ZKSCAN7: variants seen among roughly 807,000 people sequenced by gnomAD.
ZKSCAN7 encodes the protein zinc finger protein with KRAB and SCAN domains 7.
Under a neutral mutation model 65.3 loss-of-function variants are expected in ZKSCAN7, and 38 were observed. That is an observed-to-expected ratio of 0.58 (90% confidence interval 0.45 to 0.76). The LOEUF (loss-of-function observed/expected upper bound fraction) is 0.76, where lower values mean the gene tolerates loss of function less well. Among genes scored for constraint, ZKSCAN7 ranks in the 30% least tolerant of loss-of-function variants. ZKSCAN7 has a pLI of 0.00. For missense variants in ZKSCAN7, 815 were observed against 913.3 expected (o/e 0.89, Z 1.39); for synonymous variants, 321 against 321.0 (o/e 1.00, Z 0.00).
chr3:44,578,905 C>T (rs1311047353), intron 5 of ZKSCAN7, among the ~76,000 whole-genome samples: 1 of 152,266 alleles, frequency 6.6e-6, no homozygotes, highest in Non-Finnish European at 1.5e-5. Context: ...CGCTCTGCTC[C>T]CGGCCCAGGG....
At chr3:44,580,734 A>G in intron 5 of ZKSCAN7, 2 of 1,613,766 alleles carry the variant, frequency 1.2e-6, no homozygotes, top group Non-Finnish European at 8.5e-7. Context: ...GTTCATGTTG[A>G]TGGTGCCCTG....
At chr3:44,572,409 A>AGTGT (rs34720095), downstream of ZKSCAN7, among the ~76,000 whole-genome samples, 2 of 144,672 alleles carry the variant, frequency 1.4e-5, no homozygotes, top group African/African-American at 5.1e-5. Context: ...AAAGAGAGAG[A>AGTGT]GTGTGTGTGT....
downstream of ZKSCAN7, among the ~76,000 whole-genome samples, chr3:44,576,670 T>C (rs1159459811): frequency 1.3e-5 from 2 of 152,360 alleles, no homozygotes; most frequent in Non-Finnish European, 2.9e-5. Context: ...ACATTCCAAG[T>C]AGGTGCTATT....
intron 5 of ZKSCAN7, chr3:44,580,249 C>T (rs1700038362): frequency 4.3e-6 from 7 of 1,613,466 alleles, no homozygotes; most frequent in East Asian, 2.2e-5. Context: ...CTGCTCTCCC[C>T]CCGGACTTTG....
At chr3:44,581,120 G>C in intron 5 of ZKSCAN7, 16 of 992,320 alleles carry the variant, frequency 1.6e-5, no homozygotes, top group Non-Finnish European at 1.9e-5. Flanking sequence ...ATCCCTCGCC[G>C]GCCCTGCCAC....
rs1700048809 is a variant in ZKSCAN7, at chr3:44,580,556, C to T, written c.812-2416C>T. The T allele has an allele frequency of 4.3e-6, 7 of 1,613,880 alleles. No individual in the cohort carries two copies. In the South Asian group the frequency reaches 6.6e-5, roughly 15 times the overall value. On this transcript the variant is annotated intron_variant, in intron 5 of 5. Transcript: ENST00000341840. The stretch of plus-strand genomic sequence containing the variant: ...TGGGGGGCTCCACTTTCCATTTCTT[C>T]TTCTGATTCTGCTTGTTGGTCCGGG...
rs200067122 is a variant in ZKSCAN7, at chr3:44,570,067, C to A, written c.957C>A (p.Phe319Leu). The change falls in exon 6 of 6, where the codon TTC becomes TTA. Residue 319 changes from phenylalanine to leucine, a missense_variant. Phe to Leu is a conservative substitution (Grantham distance 22). Transcript: ENST00000426540. ...CTGGAGATGTTTGTGAAGATACTTT[C>A]AAGGAGTTAGAAGGACAAACCTCAG... ...AETGDVCEDTFKELEGQTSDE... is the reference protein window; with the variant it reads ...AETGDVCEDTLKELEGQTSDE... 15 of 1,613,868 alleles carry A rather than the reference C, an allele frequency of 9.3e-6. No homozygotes were observed. The highest frequency in any genetic ancestry group is 1.6e-4 in the Middle Eastern group (1 of 6,062).
In ZKSCAN7 at chr3:44,570,920, G is replaced by C. The variant is rs527328353; in HGVS notation, c.1810G>C (p.Glu604Gln). ...TGAGCATGAGCGAATTCATACTGGA[G>C]AAAAACCTTTTGAATGTAGCGAGTG... is the stretch of plus-strand genomic sequence containing the variant. Reference protein sequence around the residue: ...LIEHERIHTGEKPFECSECGK... With the variant: ...LIEHERIHTGQKPFECSECGK... The change falls in exon 6 of 6, where the codon GAA becomes CAA. Residue 604 changes from glutamate (E) to glutamine (Q), a missense_variant. By Grantham distance (29) the Glu-to-Gln change is conservative. Around this residue, in one of 3 missense-constraint regions of ZKSCAN7, gnomAD observed 578 missense variants for 629.5 expected, o/e 0.92. Transcript: ENST00000426540. The C allele has an allele frequency of 1.2e-6, 2 of 1,614,138 alleles. No individual in the cohort carries two copies. Among genetic ancestry groups the C allele is most frequent in the Non-Finnish European group, 1.7e-6 (2 of 1,180,000 alleles).
At chr3:44,579,081 T>C (rs1219208574) in intron 5 of ZKSCAN7, among the ~76,000 whole-genome samples, 1 of 152,170 alleles carries the variant, frequency 6.6e-6, no homozygotes, top group African/African-American at 2.4e-5. Flanking sequence ...GGCACCTGCT[T>C]CTCTTCCCGG....
chr3:44,578,077 C>A, intron 5 of ZKSCAN7: 1 of 1,586,354 alleles, frequency 6.3e-7, no homozygotes, highest in Admixed American at 1.7e-5. Flanking sequence ...TTCATTATAT[C>A]ATATCCGGAC....
In ZKSCAN7 at chr3:44,557,469, A is replaced by T; in HGVS notation, c.422A>T (p.Glu141Val). 1 of 1,614,048 alleles carries T rather than the reference A, an allele frequency of 6.2e-7. No individual in the cohort carries two copies. The highest frequency in any genetic ancestry group is 1.3e-5 in the African/African-American group (1 of 75,032). Residue 141 changes from glutamate to valine, a missense_variant and splice_region_variant, in exon 2 of 6, where the codon GAG becomes GTG. Around this residue, in one of 3 missense-constraint regions of ZKSCAN7, gnomAD observed 227 missense variants for 253.3 expected, o/e 0.90. Coordinates refer to ENST00000426540, the MANE Select transcript of ZKSCAN7 (RefSeq NM_001288590.2). Reference protein sequence around the residue: ...DFQRHLSGSEEVSAPAQKQEM... With the variant: ...DFQRHLSGSEVVSAPAQKQEM... The stretch of plus-strand genomic sequence containing the variant: ...CAGAGACACCTCAGTGGATCAGAGG[A>T]GGTGAGCAGTTGAGTCTAGAATGGC...
chr3:44,570,622 C>A lies in ZKSCAN7; in HGVS notation c.1512C>A (p.Phe504Leu), dbSNP rs768983525. ...PYECNECGEA[F>L]IRSKSLARHQ... Reference sequence around the variant, plus strand: ...AATGCAATGAGTGTGGAGAGGCATTCATTCGAAGCAAAAGTCTTGCTCGAC... The same window carrying A: ...AATGCAATGAGTGTGGAGAGGCATTAATTCGAAGCAAAAGTCTTGCTCGAC... The change falls in exon 6 of 6, where the codon TTC becomes TTA. Residue 504 changes from phenylalanine (F) to leucine (L), a missense_variant. By Grantham distance (22) the Phe-to-Leu change is conservative. Around this residue, in one of 3 missense-constraint regions of ZKSCAN7, gnomAD observed 578 missense variants for 629.5 expected, o/e 0.92. Coordinates refer to ENST00000426540, the MANE Select transcript of ZKSCAN7 (RefSeq NM_001288590.2). 1 of 1,613,978 alleles carries A rather than the reference C, an allele frequency of 6.2e-7. No homozygotes were observed. The highest frequency in any genetic ancestry group is 8.5e-7 in the Non-Finnish European group (1 of 1,179,956).
intron 5 of ZKSCAN7, among the ~76,000 whole-genome samples, chr3:44,579,491 T>G (rs1439966949): frequency 6.6e-6 from 1 of 152,174 alleles, no homozygotes; most frequent in African/African-American, 2.4e-5. Context: ...CTCTGCCTCT[T>G]GCTTCTCAGT....
At position 44,571,389 on chromosome 3, in the gene ZKSCAN7, GAGAC is replaced by G. The variant is rs749391294; in HGVS notation, c.*18_*21del. On this transcript the variant is annotated 3_prime_UTR_variant, in exon 6 of 6. Coordinates refer to ENST00000426540, the MANE Select transcript of ZKSCAN7 (RefSeq NM_001288590.2). Reference sequence around the variant, plus strand: ...TCAGTTTCTTAAGGTATGGTTCTCTGAGACAGAGAGCAACGACCTTTGAGTTAAG... The same window carrying G: ...TCAGTTTCTTAAGGTATGGTTCTCTGAGAGAGCAACGACCTTTGAGTTAAG... 1.9e-6 allele frequency: 3 copies of G among 1,613,160 alleles called. No individual in the cohort carries two copies. The East Asian group carries it at 6.7e-5, about 36-fold the overall frequency.
At position 44,571,360 on chromosome 3, in the gene ZKSCAN7, T is replaced by A; in HGVS notation, c.2250T>A (p.Ala750=). 6.2e-7 allele frequency: 1 copy of A among 1,614,122 alleles called. No individual in the cohort carries two copies. The highest frequency in any genetic ancestry group is 8.5e-7 in the Non-Finnish European group (1 of 1,180,042). ...CTGGAGAGAAGTCCTCAGGTCTGGCTTGGTCAGTTTCTTAAGGTATGGTTC... is the reference window on the plus strand; with the variant it reads ...CTGGAGAGAAGTCCTCAGGTCTGGCATGGTCAGTTTCTTAAGGTATGGTTC... ...THTGEKSSGL[A]WSVS The change falls in exon 6 of 6, where the codon GCT becomes GCA. Residue 750 remains alanine (A), a synonymous_variant. Coordinates refer to ENST00000426540, the MANE Select transcript of ZKSCAN7 (RefSeq NM_001288590.2).
Position 44,570,478 on chromosome 3 carries a change from A to G in ZKSCAN7, c.1368A>G (p.Gln456=). 6.2e-7 allele frequency: 1 copy of G among 1,614,216 alleles called. No homozygotes were observed. The highest frequency in any genetic ancestry group is 1.6e-4 in the Middle Eastern group (1 of 6,062). ...KAYRHSSHLI[Q]HQRLHNGEKP... is the part of the protein sequence containing the mutation. The stretch of plus-strand genomic sequence containing the variant: ...ATAGGCACAGCTCCCATCTCATTCA[A>G]CACCAGAGACTCCATAATGGGGAGA... The change falls in exon 6 of 6, where the codon CAA becomes CAG. Residue 456 remains glutamine (Q), a synonymous_variant. Coordinates refer to ENST00000426540, the MANE Select transcript of ZKSCAN7 (RefSeq NM_001288590.2).
chr3:44,565,536 C>A lies in ZKSCAN7; in HGVS notation c.473C>A (p.Ala158Asp). Residue 158 changes from alanine (A) to aspartate (D), a missense_variant, in exon 3 of 6, where the codon GCT becomes GAT. This residue lies in a region of ZKSCAN7 where 227 missense variants were observed against 253.3 expected (regional missense o/e 0.90). Transcript: ENST00000426540. ...GAAATGCATTTTGAGGAGACAACAG[C>A]TCTGGGTACAACAAAGGAATCTCCT... ...KQEMHFEETT[A>D]LGTTKESPPT... 1 of 1,612,678 alleles carries A rather than the reference C, an allele frequency of 6.2e-7. No homozygotes were observed. The highest frequency in any genetic ancestry group is 8.5e-7 in the Non-Finnish European group (1 of 1,179,456).
Position 44,571,705 on chromosome 3 carries a change from T to G in ZKSCAN7, c.*330T>G, listed in dbSNP as rs1699814043. 10 of 1,130,942 alleles carry G rather than the reference T, an allele frequency of 8.8e-6. No homozygotes were observed. The highest frequency in any genetic ancestry group is 1.1e-5 in the Non-Finnish European group (10 of 919,440). The allele number at this position is 1,130,942 out of a possible 1,614,324, so 70.1% of individuals were successfully genotyped here. ...TTAAAGACAGAGATAATATCTTCTC[T>G]ATTCTATTCTACTTCCTCCATTTCA... On this transcript the variant is annotated 3_prime_UTR_variant, in exon 6 of 6. Transcript: ENST00000426540.
intron 5 of ZKSCAN7, chr3:44,578,330 A>G (rs1030232392): frequency 6.3e-7 from 1 of 1,597,974 alleles, no homozygotes; most frequent in Non-Finnish European, 8.6e-7. Context: ...TAAGACTTCT[A>G]GTTCATAGGC....
Sources: gnomAD v4.1 joint callset for allele counts (sites outside exome capture counted in the v4.1 genomes callset) on GRCh38, gnomAD v4.1.1 for gene constraint, gnomAD v4.1.1 regional missense constraint, MANE v1.5 for transcripts, NCBI Gene and HGNC (gene_info 2026-07-23, HGNC 2026-07-21) for gene names.